HS6ST3: variants seen among roughly 807,000 people sequenced by gnomAD.
HS6ST3 encodes the protein heparan sulfate 6-O-sulfotransferase 3, also known as heparan-sulfate 6-O-sulfotransferase 3.
In HS6ST3, 12 loss-of-function variants were observed where a neutral mutation model predicts 36.7. The ratio of observed to expected loss-of-function variants is 0.33; its 90% CI spans 0.21 to 0.53. HS6ST3 has a LOEUF of 0.53. Among genes scored for constraint, HS6ST3 ranks in the 20% least tolerant of loss-of-function variants. The probability of loss-of-function intolerance (pLI) is 0.95; values close to 1 mark genes in which losing one functional copy is unlikely to be tolerated. For synonymous variants in HS6ST3, 240 were observed against 257.5 expected (o/e 0.93, Z 0.65); for missense variants, 584 against 640.9 (o/e 0.91, Z 0.96).
chr13:96,323,481 C>T (rs1016391072), intron 1 of HS6ST3, among the ~76,000 whole-genome samples: 1 of 152,186 alleles, frequency 6.6e-6, no homozygotes, highest in African/African-American at 2.4e-5. Flanking sequence ...TGACTTTCAC[C>T]TTTGCTTTCT....
chr13:96,691,738 A>T (rs992941293), intron 1 of HS6ST3, among the ~76,000 whole-genome samples: 1 of 152,102 alleles, frequency 6.6e-6, no homozygotes, highest in African/African-American at 2.4e-5. Context: ...AAAGATAAAT[A>T]GCAAATTTGG....
intron 1 of HS6ST3, among the ~76,000 whole-genome samples, chr13:96,825,202 A>C (rs1246764408): frequency 6.6e-6 from 1 of 152,118 alleles, no homozygotes; most frequent in Non-Finnish European, 1.5e-5. Context: ...ACTGTTGTGA[A>C]CCTAGCATTA....
chr13:96,363,776 A>C lies in HS6ST3; in HGVS notation c.707+272207A>C, dbSNP rs1019940684. Among the ~76,000 whole-genome samples the C allele has an allele frequency of 2.6e-5, 4 of 152,310 alleles. No homozygotes were observed. In the East Asian group the frequency reaches 7.7e-4, roughly 29 times the overall value. ...TAGATGAGAGAAACAAAAGATGAGA[A>C]GGAAAGGGTGAGATGAAAATAAAGT... On this transcript the variant is annotated intron_variant, in intron 1 of 1. Transcript: ENST00000376705.
In HS6ST3 at chr13:96,580,388, C is replaced by CT. The variant is rs140727043; in HGVS notation, c.708-252099dup. ...CGTATGTTTGCTACTTTGGTCAACA[C>CT]TTTGTTTTTTTTTTTGCAAAATAGT... On this transcript the variant is annotated intron_variant, in intron 1 of 1. Coordinates refer to ENST00000376705, the MANE Select transcript of HS6ST3 (RefSeq NM_153456.4). 2.6e-3 allele frequency among the ~76,000 whole-genome samples: 283 copies of CT among 107,046 alleles called. 1 individual carries two copies. The highest frequency in any genetic ancestry group is 7.1e-3 in the East Asian group (32 of 4,538). The allele number at this position is 107,046 out of a possible 152,430, so 70.2% of individuals were successfully genotyped here.
At chr13:96,518,980 C>A (rs1451665691) in intron 1 of HS6ST3, among the ~76,000 whole-genome samples, 1 of 152,158 alleles carries the variant, frequency 6.6e-6, no homozygotes, top group Non-Finnish European at 1.5e-5. Context: ...TTTATTTTCA[C>A]ATTTTGACTG....
At chr13:96,710,853 C>G (rs1282297062) in intron 1 of HS6ST3, among the ~76,000 whole-genome samples, 1 of 152,192 alleles carries the variant, frequency 6.6e-6, no homozygotes, top group Non-Finnish European at 1.5e-5. Flanking sequence ...CTACCTCTGC[C>G]CTGGGAAGAC....
chr13:96,817,751 A>C (rs193161812), intron 1 of HS6ST3, among the ~76,000 whole-genome samples: 72 of 152,336 alleles, frequency 4.7e-4, no homozygotes, highest in African/African-American at 1.5e-3. Flanking sequence ...CAGAGATAGC[A>C]GCAGATGTCA....
At chr13:96,307,751 C>T (rs973487087) in intron 1 of HS6ST3, among the ~76,000 whole-genome samples, 2 of 151,812 alleles carry the variant, frequency 1.3e-5, no homozygotes, top group Admixed American at 6.6e-5. Flanking sequence ...ATTTCATATA[C>T]GTATTTTCTT....
At chr13:96,466,141 C>T (rs894323667) in intron 1 of HS6ST3, among the ~76,000 whole-genome samples, 4 of 151,922 alleles carry the variant, frequency 2.6e-5, no homozygotes, top group African/African-American at 4.8e-5. Flanking sequence ...ATGAGCTAGG[C>T]GTGGTGGTGC....
chr13:96,408,791 T>G (rs1460565778), intron 1 of HS6ST3, among the ~76,000 whole-genome samples: 5 of 151,846 alleles, frequency 3.3e-5, no homozygotes, highest in Admixed American at 6.6e-5. Context: ...GGCATGGTGG[T>G]GGGGGCCTGT....
chr13:96,741,106 C>A (rs972952753), intron 1 of HS6ST3, among the ~76,000 whole-genome samples: 1 of 152,180 alleles, frequency 6.6e-6, no homozygotes, highest in African/African-American at 2.4e-5. Flanking sequence ...AAACAATTTA[C>A]TGCCACCAGA....
At chr13:96,537,214 C>T (rs1012211003) in intron 1 of HS6ST3, among the ~76,000 whole-genome samples, 5 of 152,106 alleles carry the variant, frequency 3.3e-5, no homozygotes, top group African/African-American at 9.7e-5. Context: ...AGAATGAGAA[C>T]GAAGAGAAAG....
At chr13:96,308,027 G>A (rs1289006561) in intron 1 of HS6ST3, among the ~76,000 whole-genome samples, 1 of 152,076 alleles carries the variant, frequency 6.6e-6, no homozygotes, top group Non-Finnish European at 1.5e-5. Flanking sequence ...ATACTGAAAA[G>A]TAATAACATT....
At chr13:96,770,962 G>T (rs1877249017) in intron 1 of HS6ST3, among the ~76,000 whole-genome samples, 1 of 152,154 alleles carries the variant, frequency 6.6e-6, no homozygotes, top group African/African-American at 2.4e-5. Flanking sequence ...AAAGAACACA[G>T]GGTATATATG....
In HS6ST3 at chr13:96,475,478, GTTTTC is replaced by G. The variant is rs1386521951; in HGVS notation, c.708-357007_708-357003del. On this transcript the variant is annotated intron_variant, in intron 1 of 1. Transcript: ENST00000376705. ...GTGTCCTTCAAGCTAGTTTTCACAA[GTTTTC>G]TTTTATTTCCCTGGAAACGTCTGCA... is the stretch of plus-strand genomic sequence containing the variant. Among the ~76,000 whole-genome samples the G allele has an allele frequency of 1.7e-3, 253 of 152,124 alleles. 3 individuals are homozygous for G. The highest frequency in any genetic ancestry group is 2.9e-4 in the Non-Finnish European group (20 of 67,982).
chr13:96,560,772 T>A (rs1668180571), intron 1 of HS6ST3, among the ~76,000 whole-genome samples: 1 of 152,138 alleles, frequency 6.6e-6, no homozygotes, highest in Non-Finnish European at 1.5e-5. Flanking sequence ...CGTAATGCCA[T>A]TTACAATAGC....
Position 96,294,752 on chromosome 13 carries a change from G to A in HS6ST3, c.707+203183G>A, listed in dbSNP as rs929146552. Among the ~76,000 whole-genome samples the A allele has an allele frequency of 1.8e-4, 27 of 151,980 alleles. 1 individual carries two copies. The highest frequency in any genetic ancestry group is 1.4e-3 in the Admixed American group (22 of 15,238). ...TTTATTATCTTTGACCATTTGTAGGGTAACTTAACTATTTAGATTCTTTTA... is the reference window on the plus strand; with the variant it reads ...TTTATTATCTTTGACCATTTGTAGGATAACTTAACTATTTAGATTCTTTTA... On this transcript the variant is annotated intron_variant, in intron 1 of 1. Transcript: ENST00000376705.
At chr13:96,494,207 G>A (rs1306626536) in intron 1 of HS6ST3, among the ~76,000 whole-genome samples, 1 of 151,996 alleles carries the variant, frequency 6.6e-6, no homozygotes, top group Non-Finnish European at 1.5e-5. Context: ...GGAATACTAT[G>A]CAGCCATAAA....
chr13:96,477,482 G>A (rs543598530), intron 1 of HS6ST3, among the ~76,000 whole-genome samples: 1 of 152,260 alleles, frequency 6.6e-6, no homozygotes, highest in South Asian at 2.1e-4. Flanking sequence ...TAAGAGAACT[G>A]GCATCCATGC....
Sources: allele counts gnomAD v4.1 joint callset (sites outside exome capture counted in the v4.1 genomes callset), GRCh38; gene constraint gnomAD v4.1.1; transcripts MANE v1.5; gene names NCBI Gene and HGNC (gene_info 2026-07-23, HGNC 2026-07-21).